OR51A7: variants seen among roughly 807,000 people sequenced by gnomAD.
The protein encoded by OR51A7 is olfactory receptor 51A7.
For synonymous variants in OR51A7, 143 were observed against 135.5 expected (o/e 1.05, Z -0.38); for missense variants, 409 against 374.5 (o/e 1.09, Z -0.76).
At chr11:4,904,423 G>A (rs1850851870) in intron 1 of OR51A7, among the ~76,000 whole-genome samples, 1 of 151,986 alleles carries the variant, frequency 6.6e-6, no homozygotes, top group South Asian at 2.1e-4. Context: ...CTCTTCTTTT[G>A]GCATCTACTA....
chr11:4,904,841 G>A (rs946005962), intron 1 of OR51A7, among the ~76,000 whole-genome samples: 21 of 152,080 alleles, frequency 1.4e-4, no homozygotes, highest in Non-Finnish European at 2.9e-4. Context: ...TATTTGCTGA[G>A]AGCCTTTTAT....
chr11:4,907,644 T>A lies in OR51A7; in HGVS notation c.275T>A (p.Ile92Asn). Residue 92 changes from isoleucine to asparagine, a missense_variant, in exon 2 of 2, where the codon ATT becomes AAT. Transcript: ENST00000641490. ...LRVFLFNAMGISPNACFAQEF... is the reference protein window; with the variant it reads ...LRVFLFNAMGNSPNACFAQEF... ...GTCTTCTTGTTCAATGCCATGGGAA[T>A]TTCACCTAATGCCTGCTTTGCTCAA... The A allele has an allele frequency of 6.2e-7, 1 of 1,614,080 alleles. No homozygotes were observed. Among genetic ancestry groups the A allele is most frequent in the Non-Finnish European group, 8.5e-7 (1 of 1,179,992 alleles).
chr11:4,908,251 G>C lies in OR51A7; in HGVS notation c.882G>C (p.Lys294Asn). Residue 294 changes from lysine (K) to asparagine (N), a missense_variant, in exon 2 of 2, where the codon AAG becomes AAC. Coordinates refer to ENST00000641490, the MANE Select transcript of OR51A7 (RefSeq NM_001004749.2). ...PLMNPIVYCV[K>N]TRQIWEKILG... ...TGAACCCCATTGTGTACTGTGTAAA[G>C]ACTCGACAAATCTGGGAGAAGATCT... The C allele has an allele frequency of 6.2e-7, 1 of 1,614,142 alleles. No individual in the cohort carries two copies. Among genetic ancestry groups the C allele is most frequent in the Non-Finnish European group, 8.5e-7 (1 of 1,180,018 alleles).
In OR51A7 at chr11:4,907,654, T is replaced by C; in HGVS notation, c.285T>C (p.Asn95=). Reference sequence around the variant, plus strand: ...TCAATGCCATGGGAATTTCACCTAATGCCTGCTTTGCTCAAGAATTCTTCA... The same window carrying C: ...TCAATGCCATGGGAATTTCACCTAACGCCTGCTTTGCTCAAGAATTCTTCA... The part of the protein sequence containing the change: ...FLFNAMGISP[N]ACFAQEFFIH... The change falls in exon 2 of 2, where the codon AAT becomes AAC. Residue 95 remains asparagine (N), a synonymous_variant. Transcript: ENST00000641490. The C allele has an allele frequency of 6.2e-7, 1 of 1,614,138 alleles. No homozygotes were observed. The highest frequency in any genetic ancestry group is 1.1e-5 in the South Asian group (1 of 91,078).
intron 1 of OR51A7, among the ~76,000 whole-genome samples, chr11:4,905,457 A>G (rs546162057): frequency 1.3e-5 from 2 of 152,282 alleles, no homozygotes; most frequent in South Asian, 4.1e-4. Flanking sequence ...AAAATACAGT[A>G]TGAATTCACA....
chr11:4,908,168 A>G lies in OR51A7; in HGVS notation c.799A>G (p.Lys267Glu). 1 of 1,614,210 alleles carries G rather than the reference A, an allele frequency of 6.2e-7. No individual in the cohort carries two copies. Among genetic ancestry groups the G allele is most frequent in the Non-Finnish European group, 8.5e-7 (1 of 1,180,024 alleles). The change falls in exon 2 of 2, where the codon AAA (lysine) becomes GAA (glutamate). Residue 267 changes from lysine to glutamate, a missense_variant. Lys to Glu is a moderately conservative substitution (Grantham distance 56, BLOSUM62 1). Transcript: ENST00000641490. ...TGCCATGCATCACTTTGCCAAGCAC[A>G]AAAGCCCTCTTGTTGTGATCCTTAT... Reference protein sequence around the residue: ...LAAMHHFAKHKSPLVVILIAD... With the variant: ...LAAMHHFAKHESPLVVILIAD...
Position 4,909,210 on chromosome 11 carries a change from C to G in OR51A7, c.*902C>G, listed in dbSNP as rs1850953388. On this transcript the variant is annotated 3_prime_UTR_variant, in exon 2 of 2. Coordinates refer to ENST00000641490, the MANE Select transcript of OR51A7 (RefSeq NM_001004749.2). ...CTGCAGGACACGACATTTGGTACCA[C>G]AATAATTTTCACTAAAATTTATATT... 1 of 151,760 alleles carries G rather than the reference C, an allele frequency of 6.6e-6. No homozygotes were observed. Among genetic ancestry groups the G allele is most frequent in the African/African-American group, 2.4e-5 (1 of 41,288 alleles). The allele number at this position is 151,760 out of a possible 1,614,324, so 9.4% of individuals were successfully genotyped here.
At chr11:4,906,146 C>T (rs1397233653) in intron 1 of OR51A7, among the ~76,000 whole-genome samples, 1 of 152,008 alleles carries the variant, frequency 6.6e-6, no homozygotes, top group Non-Finnish European at 1.5e-5. Context: ...AGTGTTTAAG[C>T]GAGGAGGTGC....
intron 1 of OR51A7, among the ~76,000 whole-genome samples, chr11:4,907,095 T>TAAAAAAAAAAAAAAAAAAAAAA (rs3065178): frequency 4.0e-4 from 22 of 55,112 alleles, no homozygotes; most frequent in East Asian, 2.3e-3. Flanking sequence ...AAACTCCCTC[T>TAAAAAAAAAAAAAAAAAAAAAA]AAAAAAAAAA....
chr11:4,905,098 T>C (rs191025941), intron 1 of OR51A7, among the ~76,000 whole-genome samples: 1 of 152,150 alleles, frequency 6.6e-6, no homozygotes, highest in Admixed American at 6.6e-5. Flanking sequence ...AAGAGTTAAG[T>C]GCATTCAGAG....
At position 4,908,285 on chromosome 11, in the gene OR51A7, T is replaced by A; in HGVS notation, c.916T>A (p.Leu306Met). 1.2e-6 allele frequency: 2 copies of A among 1,613,998 alleles called. No homozygotes were observed. The highest frequency in any genetic ancestry group is 1.7e-6 in the Non-Finnish European group (2 of 1,179,920). Residue 306 changes from leucine to methionine, a missense_variant, in exon 2 of 2, where the codon TTG (leucine) becomes ATG (methionine). Transcript: ENST00000641490. Reference protein sequence around the residue: ...RQIWEKILGKLLNVCGR With the variant: ...RQIWEKILGKMLNVCGR ...AATCTGGGAGAAGATCTTGGGGAAG[T>A]TGCTTAATGTATGTGGGAGATAAGA... is the stretch of plus-strand genomic sequence containing the variant.
In OR51A7 at chr11:4,906,611, ATC is replaced by A. The variant is rs200089435; in HGVS notation, c.-31-724_-31-723del. On this transcript the variant is annotated intron_variant, in intron 1 of 1. Coordinates refer to ENST00000641490, the MANE Select transcript of OR51A7 (RefSeq NM_001004749.2). The stretch of plus-strand genomic sequence containing the variant: ...TAATGTTTTCCAAATATTCGCAGTG[ATC>A]TCTGATTATTTTCTTAGACTATTTC... Among the ~76,000 whole-genome samples the A allele has an allele frequency of 9.9e-5, 15 of 152,284 alleles. No individual in the cohort carries two copies. The East Asian group carries it at 2.3e-3, about 23-fold the overall frequency.
chr11:4,908,414 G>T lies in OR51A7; in HGVS notation c.*106G>T. 1 of 954,744 alleles carries T rather than the reference G, an allele frequency of 1.0e-6. No homozygotes were observed. The highest frequency in any genetic ancestry group is 1.7e-6 in the Non-Finnish European group (1 of 604,472). The allele number at this position is 954,744 out of a possible 1,614,324, so 59.1% of individuals were successfully genotyped here. A position where few individuals can be genotyped will look rare whatever the true frequency, so the allele number is the denominator to read the frequency against. On this transcript the variant is annotated 3_prime_UTR_variant, in exon 2 of 2. Coordinates refer to ENST00000641490, the MANE Select transcript of OR51A7 (RefSeq NM_001004749.2). Reference sequence around the variant, plus strand: ...ACTAATGAAGGACTGGATGATGGAAGTGAAAAGCTATGTAGTGCAGAATTT... The same window carrying T: ...ACTAATGAAGGACTGGATGATGGAATTGAAAAGCTATGTAGTGCAGAATTT...
rs1438142969 is a variant in OR51A7, at chr11:4,908,443, A to G, written c.*135A>G. 9.1e-6 allele frequency: 7 copies of G among 769,444 alleles called. No individual in the cohort carries two copies. Among genetic ancestry groups the G allele is most frequent in the Non-Finnish European group, 1.6e-5 (7 of 451,402 alleles). The allele number at this position is 769,444 out of a possible 1,614,324, so 47.7% of individuals were successfully genotyped here. On this transcript the variant is annotated 3_prime_UTR_variant, in exon 2 of 2. Transcript: ENST00000641490. ...AAAGCTATGTAGTGCAGAATTTATA[A>G]TAAAGTTGAGAATATAACTGAACAG...
rs1418265285 is a variant in OR51A7, at chr11:4,908,318, C to A, written c.*10C>A. 1.2e-6 allele frequency: 2 copies of A among 1,605,924 alleles called. No individual in the cohort carries two copies. Among genetic ancestry groups the A allele is most frequent in the Non-Finnish European group, 1.7e-6 (2 of 1,172,924 alleles). ...TGTATGTGGGAGATAAGAACTTGAA[C>A]AATTAGGTAATAAATTATCAACCAG... On this transcript the variant is annotated 3_prime_UTR_variant, in exon 2 of 2. Transcript: ENST00000641490.
rs745527378 is a variant in OR51A7, at chr11:4,907,819, T to C, written c.450T>C (p.Ile150=). Reference sequence around the variant, plus strand: ...CTAAAATGGGACTTATTTTAGCCATTAGGAGCATTCTCTTAGTGATTCCAT... The same window carrying C: ...CTAAAATGGGACTTATTTTAGCCATCAGGAGCATTCTCTTAGTGATTCCAT... ...RVAKMGLILA[I]RSILLVIPFP... Residue 150 remains isoleucine, a synonymous_variant, in exon 2 of 2, where the codon ATT becomes ATC. Transcript: ENST00000641490. 4 of 1,613,860 alleles carry C rather than the reference T, an allele frequency of 2.5e-6. No homozygotes were observed. In the Admixed American group the frequency reaches 6.7e-5, roughly 27 times the overall value.
intron 1 of OR51A7, among the ~76,000 whole-genome samples, chr11:4,906,149 G>A (rs1850884778): frequency 2.6e-5 from 4 of 152,154 alleles, no homozygotes; most frequent in Admixed American, 2.0e-4. Context: ...GTTTAAGCGA[G>A]GAGGTGCCAC....
rs201750546 is a variant in OR51A7, at chr11:4,907,866, T to G, written c.497T>G (p.Leu166Ter). 84 of 1,613,920 alleles carry G rather than the reference T, an allele frequency of 5.2e-5. No homozygotes were observed. Among genetic ancestry groups the G allele is most frequent in the Non-Finnish European group, 6.3e-5 (74 of 1,179,960 alleles). ...CCATTTCCCTTCACCTTAAGGAGATTAAAATATTGTCAAAAGAATCTTCTT... is the reference window on the plus strand; with the variant it reads ...CCATTTCCCTTCACCTTAAGGAGATGAAAATATTGTCAAAAGAATCTTCTT... ...VIPFPFTLRR[L>*]KYCQKNLLSH... The change falls in exon 2 of 2, where the codon TTA becomes TGA. Residue 166 changes from leucine to a stop codon, truncating the protein, a stop_gained. Coordinates refer to ENST00000641490, the MANE Select transcript of OR51A7 (RefSeq NM_001004749.2). LOFTEE classifies it low-confidence loss of function (END_TRUNC).
rs1477109445 is a variant in OR51A7 at position 4,908,072 on chromosome 11, A to C, written c.703A>C (p.Lys235Gln). ...LSIASLAERL[K>Q]ALNTCVSHIC... Reference sequence around the variant, plus strand: ...CATTGCATCTTTGGCAGAGAGGCTTAAGGCCCTAAATACCTGTGTCTCCCA... The same window carrying C: ...CATTGCATCTTTGGCAGAGAGGCTTCAGGCCCTAAATACCTGTGTCTCCCA... The change falls in exon 2 of 2, where the codon AAG becomes CAG. Residue 235 changes from lysine to glutamine, a missense_variant. Physicochemically the swap from Lys to Gln is moderately conservative, Grantham distance 53. Coordinates refer to ENST00000641490, the MANE Select transcript of OR51A7 (RefSeq NM_001004749.2). The C allele has an allele frequency of 2.5e-6, 4 of 1,614,118 alleles. No homozygotes were observed. The highest frequency in any genetic ancestry group is 3.4e-6 in the Non-Finnish European group (4 of 1,179,984).
Sources: gnomAD v4.1 joint callset for allele counts (sites outside exome capture counted in the v4.1 genomes callset) on GRCh38, gnomAD v4.1.1 for gene constraint, MANE v1.5 for transcripts, NCBI Gene and HGNC (gene_info 2026-07-23, HGNC 2026-07-21) for gene names.